DNM3: variants seen among roughly 807,000 people sequenced by gnomAD.
DNM3 encodes the protein dynamin-3.
A neutral mutation model predicts 101.6 loss-of-function variants in DNM3; 47 were observed. That is an observed-to-expected ratio of 0.46 (90% CI 0.37 to 0.59). The LOEUF is 0.59. DNM3 is among the 20% of genes least tolerant of loss of function. The pLI, the probability that DNM3 is intolerant of heterozygous loss-of-function variation, is 0.00. For missense variants in DNM3, 849 were observed against 1,085.7 expected (o/e 0.78, Z 3.06); for synonymous variants, 385 against 387.9 (o/e 0.99, Z 0.09).
At chr1:172,021,241 C>T (rs2047831479) in intron 4 of DNM3, among the ~76,000 whole-genome samples, 1 of 152,130 alleles carries the variant, frequency 6.6e-6, no homozygotes, top group South Asian at 2.1e-4. Flanking sequence ...GAGGCCAAGG[C>T]AGGAGAATTG....
At chr1:171,988,803 T>G (rs1038157754) in intron 3 of DNM3, 142 bp from the exon 4 acceptor site, 8 of 630,138 alleles carry the variant, frequency 1.3e-5, no homozygotes, top group Non-Finnish European at 1.8e-5. Context: ...CCATTTTTAT[T>G]TTATGCTCTT....
At chr1:172,048,866 C>A in intron 10 of DNM3, 116 bp downstream of exon 10, 2 of 1,288,660 alleles carry the variant, frequency 1.6e-6, no homozygotes, top group South Asian at 1.5e-5. Flanking sequence ...TGTGTGTTTG[C>A]CTACAGGGAA....
intron 4 of DNM3, among the ~76,000 whole-genome samples, chr1:172,030,753 A>G (rs1003370830): frequency 1.1e-4 from 16 of 152,362 alleles, no homozygotes; most frequent in Non-Finnish European, 2.9e-5. Flanking sequence ...TTATGAACAG[A>G]CACTTCTCGA....
At chr1:171,878,269 A>G (rs1337824450) in intron 1 of DNM3, among the ~76,000 whole-genome samples, 2 of 152,188 alleles carry the variant, frequency 1.3e-5, no homozygotes, top group South Asian at 2.1e-4. Context: ...TCTATAGATC[A>G]TAATTCCTTG....
chr1:171,973,672 CTTTT>C (rs754902487), intron 2 of DNM3, among the ~76,000 whole-genome samples: 2 of 137,094 alleles, frequency 1.5e-5, no homozygotes, highest in African/African-American at 2.7e-5. Flanking sequence ...ACTCCAAAAT[CTTTT>C]TTTTTTTTTT....
intron 1 of DNM3, among the ~76,000 whole-genome samples, chr1:171,853,791 G>C (rs2033261741): frequency 6.6e-6 from 1 of 152,008 alleles, no homozygotes; most frequent in Admixed American, 6.6e-5. Flanking sequence ...AAATATTGCT[G>C]CTCTCAGGTT....
chr1:172,345,588 A>G (rs1396623490), intron 17 of DNM3, among the ~76,000 whole-genome samples: 1 of 152,148 alleles, frequency 6.6e-6, no homozygotes, highest in Admixed American at 6.5e-5. Context: ...ATGCACACAC[A>G]CTGTTATCCA....
chr1:172,192,471 A>G (rs2059766729), intron 14 of DNM3, among the ~76,000 whole-genome samples: 1 of 149,304 alleles, frequency 6.7e-6, no homozygotes, highest in Non-Finnish European at 1.5e-5. Flanking sequence ...GGTGCGCTGC[A>G]CCCACTAACT....
At chr1:172,294,667 C>T (rs2064071111) in intron 15 of DNM3, among the ~76,000 whole-genome samples, 1 of 152,124 alleles carries the variant, frequency 6.6e-6, no homozygotes, top group South Asian at 2.1e-4. Flanking sequence ...AATCCCAGCA[C>T]TTTGGAAGGC....
chr1:171,971,286 TA>T (rs2043974459), intron 2 of DNM3, among the ~76,000 whole-genome samples: 1 of 152,124 alleles, frequency 6.6e-6, no homozygotes, highest in Non-Finnish European at 1.5e-5. Context: ...TTCCCAATTA[TA>T]TGAAGTCTCC....
chr1:172,269,606 T>C (rs1312318359), intron 15 of DNM3, among the ~76,000 whole-genome samples: 1 of 152,232 alleles, frequency 6.6e-6, no homozygotes, highest in Non-Finnish European at 1.5e-5. Flanking sequence ...CTTTTCTTTT[T>C]GAAAGCTATT....
intron 14 of DNM3, among the ~76,000 whole-genome samples, chr1:172,217,526 CAT>C (rs34743602): frequency 0.2 from 30,615 of 152,070 alleles, 4,077 homozygotes; most frequent in Middle Eastern, 0.31. Context: ...TGTGTTTCCT[CAT>C]AGACTTTTGT....
intron 7 of DNM3, 53 bp downstream of exon 7, chr1:172,038,514 T>C: frequency 6.3e-7 from 1 of 1,596,764 alleles, no homozygotes; most frequent in Non-Finnish European, 8.5e-7. Context: ...TTTCTTTAGT[T>C]TTCTATTGCC....
intron 17 of DNM3, among the ~76,000 whole-genome samples, chr1:172,342,068 T>A (rs974435460): frequency 6.6e-6 from 1 of 152,052 alleles, no homozygotes; most frequent in Non-Finnish European, 1.5e-5. Flanking sequence ...TAGCATCTCA[T>A]ACCAGTCAGT....
chr1:172,188,732 GT>G (rs2059605837), intron 14 of DNM3, among the ~76,000 whole-genome samples: 1 of 152,026 alleles, frequency 6.6e-6, no homozygotes, highest in African/African-American at 2.4e-5. Flanking sequence ...GTAAGACTAC[GT>G]TTAGTTTTGT....
intron 14 of DNM3, among the ~76,000 whole-genome samples, chr1:172,223,948 T>C (rs1255071387): frequency 6.6e-6 from 1 of 152,204 alleles, no homozygotes; most frequent in African/African-American, 2.4e-5. Context: ...CCATCTTCTA[T>C]CTACACTATA....
At chr1:172,054,507 A>AT (rs549701420) in intron 10 of DNM3, among the ~76,000 whole-genome samples, 9 of 149,558 alleles carry the variant, frequency 6.0e-5, no homozygotes, top group Non-Finnish European at 7.4e-5. Context: ...GAACATCTTG[A>AT]TTTTTTTTTT....
chr1:172,172,381 A>G (rs1417946044), intron 14 of DNM3, among the ~76,000 whole-genome samples: 1 of 151,662 alleles, frequency 6.6e-6, no homozygotes, highest in African/African-American at 2.4e-5. Flanking sequence ...CGAGACAGCT[A>G]CTAAATAACT....
At chr1:172,190,869 T>C (rs1357859384) in intron 14 of DNM3, among the ~76,000 whole-genome samples, 3 of 152,202 alleles carry the variant, frequency 2.0e-5, no homozygotes, top group African/African-American at 7.2e-5. Flanking sequence ...GATTGTTTGA[T>C]TTTTTCTCGT....
Sources: gnomAD v4.1 joint callset for allele counts (sites outside exome capture counted in the v4.1 genomes callset) on GRCh38, gnomAD v4.1.1 for gene constraint, MANE v1.5 for transcripts, NCBI Gene and HGNC (gene_info 2026-07-23, HGNC 2026-07-21) for gene names.